The following CDC42BPA variants were observed in gnomAD, a reference collection of about 807,000 sequenced individuals.
CDC42BPA encodes the protein CDC42 binding protein kinase alpha, also known as serine/threonine-protein kinase MRCK alpha.
A neutral mutation model predicts 223.5 loss-of-function variants in CDC42BPA; 80 were observed. That is an observed-to-expected ratio of 0.36 (90% CI 0.30 to 0.43). The LOEUF is 0.43. CDC42BPA is among the 20% of genes least tolerant of loss of function. The pLI, the probability that CDC42BPA is intolerant of heterozygous loss-of-function variation, is 1.00. For missense variants in CDC42BPA, 1,743 were observed against 2,099.9 expected, an observed-to-expected ratio of 0.83 and a Z score of 3.32; for synonymous variants, 694 against 718.6, an observed-to-expected ratio of 0.97 and a Z score of 0.55.
chr1:227,252,336 C>A (rs1378663577), intron 2 of CDC42BPA, among the ~76,000 whole-genome samples: 5 of 151,948 alleles, frequency 3.3e-5, no homozygotes, highest in African/African-American at 1.2e-4. Flanking sequence ...ATAAACCTAG[C>A]AAAACTAATA....
At chr1:227,087,369 G>C (rs751349962) in intron 16 of CDC42BPA, among the ~76,000 whole-genome samples, 2 of 149,438 alleles carry the variant, frequency 1.3e-5, no homozygotes, top group Admixed American at 6.7e-5. Flanking sequence ...GACCATAAAT[G>C]TAAGAACTTA....
chr1:227,149,375 C>T (rs926929952), intron 6 of CDC42BPA, among the ~76,000 whole-genome samples: 1 of 152,170 alleles, frequency 6.6e-6, no homozygotes, highest in Admixed American at 6.5e-5. Flanking sequence ...CTGGAGGACA[C>T]ATGCTCAAAT....
intron 3 of CDC42BPA, among the ~76,000 whole-genome samples, chr1:227,208,839 G>A (rs1558768021): frequency 6.6e-6 from 1 of 152,016 alleles, no homozygotes; most frequent in Non-Finnish European, 1.5e-5. Context: ...GGCGATGCGG[G>A]CTCTTTTTCG....
At chr1:227,263,169 C>T (rs1343338217) in intron 1 of CDC42BPA, among the ~76,000 whole-genome samples, 1 of 152,192 alleles carries the variant, frequency 6.6e-6, no homozygotes, top group African/African-American at 2.4e-5. Flanking sequence ...GGAGCTGAGG[C>T]TGCAGAAAGC....
At chr1:227,013,258 C>T (rs1025490591) in intron 34 of CDC42BPA, among the ~76,000 whole-genome samples, 1 of 152,102 alleles carries the variant, frequency 6.6e-6, no homozygotes, top group Non-Finnish European at 1.5e-5. Context: ...CATGTGTTAA[C>T]AAAATCAGGT....
At chr1:227,149,604 T>C (rs529228864) in intron 6 of CDC42BPA, among the ~76,000 whole-genome samples, 1 of 152,122 alleles carries the variant, frequency 6.6e-6, no homozygotes, top group East Asian at 1.9e-4. Context: ...TTTTTAAAAA[T>C]CAAACGGAAG....
chr1:227,145,446 A>T, intron 8 of CDC42BPA, 43 bp downstream of exon 8: 1 of 1,564,614 alleles, frequency 6.4e-7, no homozygotes, highest in African/African-American at 1.4e-5. Flanking sequence ...ACCATAGTAG[A>T]AAGAAACAGA....
intron 1 of CDC42BPA, among the ~76,000 whole-genome samples, chr1:227,275,899 C>A (rs1043990966): frequency 1.3e-5 from 2 of 152,214 alleles, no homozygotes; most frequent in African/African-American, 4.8e-5. Context: ...CTCGCTCACT[C>A]AGTGCTCAAT....
rs1572546418 is a variant in CDC42BPA, at chr1:227,059,912, C to G, written c.2905-7927G>C. Among the ~76,000 whole-genome samples the G allele has an allele frequency of 2.8e-5, 4 of 142,930 alleles. No homozygotes were observed. The South Asian group carries it at 8.3e-4, about 30-fold the overall frequency. The allele number at this position is 142,930 out of a possible 152,430, so 93.8% of individuals were successfully genotyped here. The stretch of plus-strand genomic sequence containing the variant: ...AAATTAAAATTAAAAGTTATTTGAA[C>G]AATACTCCATCCTGACTCAACTTCA... On this transcript the variant is annotated intron_variant, in intron 21 of 36. Transcript: ENST00000366766.
At chr1:227,306,501 T>G (rs1692572744) in intron 1 of CDC42BPA, among the ~76,000 whole-genome samples, 1 of 152,162 alleles carries the variant, frequency 6.6e-6, no homozygotes, top group Non-Finnish European at 1.5e-5. Flanking sequence ...AACTGTCAAC[T>G]TAGCATGTAT....
At chr1:227,037,124 G>T (rs545360779) in intron 24 of CDC42BPA, among the ~76,000 whole-genome samples, 1 of 152,170 alleles carries the variant, frequency 6.6e-6, no homozygotes, top group African/African-American at 2.4e-5. Context: ...TAGCTGGCCA[G>T]GATTCTTTCT....
At chr1:227,018,650 C>G (rs543699252) in intron 32 of CDC42BPA, among the ~76,000 whole-genome samples, 16 of 151,674 alleles carry the variant, frequency 1.1e-4, no homozygotes, top group African/African-American at 3.9e-4. Context: ...ATGTGGAGTT[C>G]CTCTAAGAAA....
chr1:227,083,983 T>C (rs537629247), intron 16 of CDC42BPA, among the ~76,000 whole-genome samples: 1 of 152,330 alleles, frequency 6.6e-6, no homozygotes, highest in Admixed American at 6.5e-5. Flanking sequence ...TATCTGCAAA[T>C]GCCTAAAGAG....
rs997503415 is a variant in CDC42BPA at position 227,012,059 on chromosome 1, T to C, written c.4857+4021A>G. ...TAAGGTCTTGTTTTTATTCTAGATA[T>C]ATGAATAAAATCAGTACCCTCTGAG... On this transcript the variant is annotated intron_variant, in intron 34 of 36. Transcript: ENST00000366766. Among the ~76,000 whole-genome samples the C allele has an allele frequency of 1.2e-4, 18 of 152,310 alleles. 1 individual carries two copies. The highest frequency in any genetic ancestry group is 3.4e-3 in the Middle Eastern group (1 of 294).
intron 16 of CDC42BPA, 61 bp downstream of exon 16, chr1:227,091,825 T>G: frequency 1.2e-6 from 1 of 842,396 alleles, no homozygotes; most frequent in Non-Finnish European, 1.9e-6. Flanking sequence ...TACCCACAAT[T>G]CCTATCAGTG....
intron 5 of CDC42BPA, chr1:227,183,242 T>TATAG (rs1443784130): frequency 6.6e-6 from 1 of 152,222 alleles, no homozygotes; most frequent in East Asian, 1.9e-4. Flanking sequence ...TTATCTTGTG[T>TATAG]ATAGATTCAT....
In CDC42BPA at chr1:227,101,011, C is replaced by T; in HGVS notation, c.2230G>A (p.Glu744Lys). 6.6e-6 allele frequency: 10 copies of T among 1,515,654 alleles called. No individual in the cohort carries two copies. The highest frequency in any genetic ancestry group is 9.1e-6 in the Non-Finnish European group (10 of 1,098,872). 93.9% of individuals were successfully genotyped at this position (1,515,654 alleles called of 1,614,324 possible). A position where few individuals can be genotyped will look rare whatever the true frequency, so the allele number is the denominator to read the frequency against. The change falls in exon 15 of 37, where the codon GAA becomes AAA. Residue 744 changes from glutamate to lysine, a missense_variant. Transcript: ENST00000366766. ...TCTTACCTTTCTCTTCTGGTTTTTT[C>T]CAATTTGTCTTTTAAAATCATAATT... ...KEIMILKDKL[E>K]KTRRESQSER...
chr1:227,219,234 G>T (rs41270149), intron 2 of CDC42BPA: 23,518 of 152,196 alleles, frequency 0.15, 2,236 homozygotes, highest in African/African-American at 0.25. Flanking sequence ...GTAATTAGAG[G>T]AAGCAAGCTA....
chr1:227,163,822 T>C (rs1355708158), intron 5 of CDC42BPA, among the ~76,000 whole-genome samples: 3 of 151,828 alleles, frequency 2.0e-5, no homozygotes, highest in African/African-American at 7.3e-5. Context: ...ATAAGGATGG[T>C]GTCCTAATTT....
Sources: gnomAD v4.1 joint callset for allele counts (sites outside exome capture counted in the v4.1 genomes callset) on GRCh38, gnomAD v4.1.1 for gene constraint, MANE v1.5 for transcripts, NCBI Gene and HGNC (gene_info 2026-07-23, HGNC 2026-07-21) for gene names.